Variants in DIS3 observed in about 807,000 individuals in gnomAD.
DIS3 encodes DIS3 exosome endoribonuclease and 3'-5' exoribonuclease.
DIS3 carries 103 observed loss-of-function variants against 113.0 expected under a neutral mutation model. The observed-to-expected ratio is 0.91, with a 90% CI of 0.78 to 1.07. The LOEUF is 1.07. Ranked by LOEUF, DIS3 falls within the 50% of genes least tolerant of loss-of-function variation. The probability of loss-of-function intolerance (pLI) is 0.00; values close to 1 mark genes in which losing one functional copy is unlikely to be tolerated. For missense variants in DIS3, 1,121 were observed against 1,167.1 expected, an observed-to-expected ratio of 0.96 and a Z score of 0.58; for synonymous variants, 402 against 394.3, an observed-to-expected ratio of 1.02 and a Z score of -0.23.
rs1243102085 is a variant in DIS3 at position 72,759,298 on chromosome 13, G to A, written c.*497C>T. The A allele has an allele frequency of 4.8e-6, 1 of 207,946 alleles. No individual in the cohort carries two copies. Among genetic ancestry groups the A allele is most frequent in the Non-Finnish European group, 9.8e-6 (1 of 102,022 alleles). The allele number at this position is 207,946 out of a possible 1,614,324, so 12.9% of individuals were successfully genotyped here. ...CAGGAAGCTTTTAAAGACAGTAAGA[G>A]AACACCTAGTGTAAGTTAGGTGAAT... On this transcript the variant is annotated 3_prime_UTR_variant, in exon 21 of 21. Coordinates refer to ENST00000377767, the MANE Select transcript of DIS3 (RefSeq NM_014953.5).
At chr13:72,771,945 T>G in intron 10 of DIS3, 49 bp from the exon 11 acceptor site, 1 of 1,565,490 alleles carries the variant, frequency 6.4e-7, no homozygotes, top group African/African-American at 1.4e-5. Context: ...ACTGGGTAAA[T>G]GTACCTAATG....
In DIS3 at chr13:72,753,701, C is replaced by T; in HGVS notation, c.*6094G>A. ...TTTTCTCCTGTCAGATGGATAGTGG[C>T]TATAATACGCAGAATTGTGGAAGCA... On this transcript the variant is annotated 3_prime_UTR_variant, in exon 21 of 21. Transcript: ENST00000377767. 1 of 1,610,972 alleles carries T rather than the reference C, an allele frequency of 6.2e-7. No homozygotes were observed. The highest frequency in any genetic ancestry group is 8.5e-7 in the Non-Finnish European group (1 of 1,178,848).
chr13:72,763,285 A>G (rs2033670661), intron 16 of DIS3, among the ~76,000 whole-genome samples, 166 bp downstream of exon 16: 1 of 152,094 alleles, frequency 6.6e-6, no homozygotes, highest in South Asian at 2.1e-4. Context: ...AGTCTGGGTG[A>G]CAGTGAGACC....
chr13:72,776,950 T>TA (rs1353471724), intron 4 of DIS3, among the ~76,000 whole-genome samples: 1 of 152,208 alleles, frequency 6.6e-6, no homozygotes, highest in Non-Finnish European at 1.5e-5. Context: ...GCCTGACATA[T>TA]AAGGAAGGGA....
chr13:72,753,425 TTG>T lies in DIS3; in HGVS notation c.*6368_*6369del. On this transcript the variant is annotated 3_prime_UTR_variant, in exon 21 of 21. Transcript: ENST00000377767. The stretch of plus-strand genomic sequence containing the variant: ...ACGATCACAAAATAACAGGAAAGCA[TTG>T]TGTCAGTAGGCTGTTCACTGATTCT... 1 of 271,860 alleles carries T rather than the reference TTG, an allele frequency of 3.7e-6. No individual in the cohort carries two copies. Among genetic ancestry groups the T allele is most frequent in the Non-Finnish European group, 6.9e-6 (1 of 145,418 alleles). The allele number at this position is 271,860 out of a possible 1,614,324, so 16.8% of individuals were successfully genotyped here.
At chr13:72,764,824 T>C (rs2033708026) in intron 15 of DIS3, among the ~76,000 whole-genome samples, 2 of 152,122 alleles carry the variant, frequency 1.3e-5, no homozygotes, top group Non-Finnish European at 2.9e-5. Context: ...TTCTTCTTCT[T>C]GGTAAGAAGA....
At position 72,755,536 on chromosome 13, in the gene DIS3, T is replaced by C. The variant is rs1008902781; in HGVS notation, c.*4259A>G. 2.0e-5 allele frequency: 7 copies of C among 351,392 alleles called. No homozygotes were observed. In the South Asian group the frequency reaches 3.7e-4, roughly 19 times the overall value. 21.8% of individuals were successfully genotyped at this position (351,392 alleles called of 1,614,324 possible). ...CAATGAACTACTTATTAAGCCTTACTGGTAGCACTGAATTTAGCAGTTCTG... is the reference window on the plus strand; with the variant it reads ...CAATGAACTACTTATTAAGCCTTACCGGTAGCACTGAATTTAGCAGTTCTG... On this transcript the variant is annotated 3_prime_UTR_variant, in exon 21 of 21. Coordinates refer to ENST00000377767, the MANE Select transcript of DIS3 (RefSeq NM_014953.5).
chr13:72,755,830 C>T lies in DIS3; in HGVS notation c.*3965G>A, dbSNP rs942948701. 13 of 398,300 alleles carry T rather than the reference C, an allele frequency of 3.3e-5. 1 individual carries two copies. Among genetic ancestry groups the T allele is most frequent in the Non-Finnish European group, 5.3e-5 (12 of 226,056 alleles). The allele number at this position is 398,300 out of a possible 1,614,324, so 24.7% of individuals were successfully genotyped here. ...AAAGGTAGTACTAGTGACATCATCA[C>T]GTGTATTGTTATCTATGGGGCAAAT... On this transcript the variant is annotated 3_prime_UTR_variant, in exon 21 of 21. Transcript: ENST00000377767.
intron 2 of DIS3, among the ~76,000 whole-genome samples, chr13:72,779,487 T>C (rs1348292318): frequency 6.6e-6 from 1 of 150,840 alleles, no homozygotes; most frequent in Non-Finnish European, 1.5e-5. Context: ...ACTTGGGTCT[T>C]TCTGCACTGA....
In DIS3 at chr13:72,753,319, G is replaced by A. The variant is rs1468669510; in HGVS notation, c.*6476C>T. 1.0e-4 allele frequency: 17 copies of A among 164,292 alleles called. No individual in the cohort carries two copies. Among genetic ancestry groups the A allele is most frequent in the Admixed American group, 1.0e-3 (17 of 16,462 alleles). The allele number at this position is 164,292 out of a possible 1,614,324, so 10.2% of individuals were successfully genotyped here. ...TAATCCACTTTTTTAAAGGCAGCAT[G>A]CCTCAAGCCATTTAGAGACAAGCCT... is the stretch of plus-strand genomic sequence containing the variant. On this transcript the variant is annotated 3_prime_UTR_variant, in exon 21 of 21. Transcript: ENST00000377767.
At position 72,756,604 on chromosome 13, in the gene DIS3, C is replaced by A. The variant is rs2033480636; in HGVS notation, c.*3191G>T. ...AAATCTAACCTTGAATTGTAGCAATCCCCACGTGTCAAGGGTGGGACCAGG... is the reference window on the plus strand; with the variant it reads ...AAATCTAACCTTGAATTGTAGCAATACCCACGTGTCAAGGGTGGGACCAGG... On this transcript the variant is annotated 3_prime_UTR_variant, in exon 21 of 21. Coordinates refer to ENST00000377767, the MANE Select transcript of DIS3 (RefSeq NM_014953.5). The A allele has an allele frequency of 6.6e-6, 1 of 152,156 alleles. No homozygotes were observed. 9.4% of individuals were successfully genotyped at this position (152,156 alleles called of 1,614,324 possible).
chr13:72,773,130 G>T (rs557717385), intron 8 of DIS3, among the ~76,000 whole-genome samples: 1 of 152,040 alleles, frequency 6.6e-6, no homozygotes, highest in Non-Finnish European at 1.5e-5. Context: ...AATCTATATA[G>T]AACTCACTTT....
Position 72,759,685 on chromosome 13 carries a change from A to G in DIS3, c.*110T>C. Reference sequence around the variant, plus strand: ...AAATGCAGATGTCTGAAATTATTAAAATGTACTTAAAAGTAACAAACTGTA... The same window carrying G: ...AAATGCAGATGTCTGAAATTATTAAGATGTACTTAAAAGTAACAAACTGTA... On this transcript the variant is annotated 3_prime_UTR_variant, in exon 21 of 21. Coordinates refer to ENST00000377767, the MANE Select transcript of DIS3 (RefSeq NM_014953.5). The G allele has an allele frequency of 1.3e-6, 1 of 780,526 alleles. No individual in the cohort carries two copies. Among genetic ancestry groups the G allele is most frequent in the Non-Finnish European group, 2.0e-6 (1 of 491,006 alleles). The allele number at this position is 780,526 out of a possible 1,614,324, so 48.4% of individuals were successfully genotyped here. A position where few individuals can be genotyped will look rare whatever the true frequency, so the allele number is the denominator to read the frequency against.
In DIS3 at chr13:72,759,332, G is replaced by A. The variant is rs2033569120; in HGVS notation, c.*463C>T. On this transcript the variant is annotated 3_prime_UTR_variant, in exon 21 of 21. Transcript: ENST00000377767. ...GTGTAAGTTAGGTGAATTAAAGATG[G>A]CAAAGGAGATTACATCCTCAACACT... 4.7e-6 allele frequency: 1 copy of A among 211,256 alleles called. No individual in the cohort carries two copies. Among genetic ancestry groups the A allele is most frequent in the East Asian group, 7.1e-5 (1 of 14,048 alleles). 13.1% of individuals were successfully genotyped at this position (211,256 alleles called of 1,614,324 possible). A position where few individuals can be genotyped will look rare whatever the true frequency, so the allele number is the denominator to read the frequency against.
rs2033903754 is a variant in DIS3, at chr13:72,772,269, T to C, written c.1393A>G (p.Lys465Glu). ...MPWSITEKDM[K>E]NREDLRHLCI... Reference sequence around the variant, plus strand: ...AGATGCCTCAGGTCTTCTCGGTTTTTCATGTCCTAGAAGACATGAAATGAT... The same window carrying C: ...AGATGCCTCAGGTCTTCTCGGTTTTCCATGTCCTAGAAGACATGAAATGAT... Residue 465 changes from lysine to glutamate, a missense_variant, in exon 10 of 21, where the codon AAA (lysine) becomes GAA (glutamate). Coordinates refer to ENST00000377767, the MANE Select transcript of DIS3 (RefSeq NM_014953.5). 1 of 1,609,326 alleles carries C rather than the reference T, an allele frequency of 6.2e-7. No individual in the cohort carries two copies. The highest frequency in any genetic ancestry group is 1.3e-5 in the African/African-American group (1 of 74,852).
At chr13:72,774,082 T>G (rs773723304) in intron 6 of DIS3, 23 bp from the exon 7 acceptor site, 1 of 1,488,354 alleles carries the variant, frequency 6.7e-7, no homozygotes, top group South Asian at 1.2e-5. Context: ...AATTAAAATG[T>G]TCAGTTATAT....
At chr13:72,781,100 T>C (rs536724605) in intron 1 of DIS3, 97 bp from the exon 2 acceptor site, 1 of 1,387,798 alleles carries the variant, frequency 7.2e-7, no homozygotes, top group South Asian at 1.4e-5. Flanking sequence ...ATACTTTATG[T>C]TTTAAAAACA....
rs2033620965 is a variant in DIS3, at chr13:72,761,468, T to C, written c.2565A>G (p.Val855=). The C allele has an allele frequency of 2.5e-6, 4 of 1,610,200 alleles. No homozygotes were observed. Among genetic ancestry groups the C allele is most frequent in the African/African-American group, 1.3e-5 (1 of 74,824 alleles). The change falls in exon 19 of 21, where the codon GTA becomes GTG. Residue 855 remains valine, a synonymous_variant. Transcript: ENST00000377767. ...IVSEEAYILF[V]RKNAIVVLIP... is the part of the protein sequence containing the mutation. ...TTAATACCACAATGGCATTCTTTCTTACAAATAAAATATAGGCTTCTTCAC... is the reference window on the plus strand; with the variant it reads ...TTAATACCACAATGGCATTCTTTCTCACAAATAAAATATAGGCTTCTTCAC...
Position 72,759,687 on chromosome 13 carries a change from T to C in DIS3, c.*108A>G. The C allele has an allele frequency of 1.3e-6, 1 of 789,288 alleles. No homozygotes were observed. The highest frequency in any genetic ancestry group is 2.0e-6 in the Non-Finnish European group (1 of 497,966). 48.9% of individuals were successfully genotyped at this position (789,288 alleles called of 1,614,324 possible). A position where few individuals can be genotyped will look rare whatever the true frequency, so the allele number is the denominator to read the frequency against. On this transcript the variant is annotated 3_prime_UTR_variant, in exon 21 of 21. Coordinates refer to ENST00000377767, the MANE Select transcript of DIS3 (RefSeq NM_014953.5). The stretch of plus-strand genomic sequence containing the variant: ...ATGCAGATGTCTGAAATTATTAAAA[T>C]GTACTTAAAAGTAACAAACTGTATC...
Sources: allele counts gnomAD v4.1 joint callset (sites outside exome capture counted in the v4.1 genomes callset), GRCh38; gene constraint gnomAD v4.1.1; transcripts MANE v1.5; gene names NCBI Gene and HGNC (gene_info 2026-07-23, HGNC 2026-07-21).